Variants in MAML3 observed in about 807,000 individuals in gnomAD.
MAML3 encodes mastermind like transcriptional coactivator 3.
A neutral mutation model predicts 101.9 loss-of-function variants in MAML3; 27 were observed. The observed-to-expected ratio is 0.27, with a 90% confidence interval of 0.20 to 0.37. MAML3 has a LOEUF of 0.37. Among genes scored for constraint, MAML3 ranks in the 10% least tolerant of loss-of-function variants. MAML3 has a pLI of 1.00. For missense variants in MAML3, 1,316 were observed against 1,444.9 expected (o/e 0.91, Z 1.45); for synonymous variants, 501 against 555.9 (o/e 0.90, Z 1.39).
At chr4:139,922,277 C>T (rs1187463665) in intron 1 of MAML3, among the ~76,000 whole-genome samples, 1 of 152,162 alleles carries the variant, frequency 6.6e-6, no homozygotes, top group African/African-American at 2.4e-5. Context: ...CTTCTTAACA[C>T]CCTCCACCTT....
At chr4:140,116,193 A>C (rs1057499361) in intron 1 of MAML3, among the ~76,000 whole-genome samples, 1 of 152,216 alleles carries the variant, frequency 6.6e-6, no homozygotes, top group African/African-American at 2.4e-5. Flanking sequence ...CCTTCATATA[A>C]GGCAAAAAGC....
intron 2 of MAML3, among the ~76,000 whole-genome samples, chr4:139,778,891 G>A (rs936813432): frequency 1.3e-5 from 2 of 151,286 alleles, no homozygotes; most frequent in African/African-American, 2.4e-5. Flanking sequence ...GCTGAGGCAG[G>A]AGAATCGCTT....
chr4:139,838,734 C>A (rs1371868975), intron 2 of MAML3, among the ~76,000 whole-genome samples: 1 of 152,116 alleles, frequency 6.6e-6, no homozygotes, highest in Non-Finnish European at 1.5e-5. Flanking sequence ...TACTGTTCTG[C>A]ATGTTCTATT....
At chr4:140,125,630 T>G (rs1024681969) in intron 1 of MAML3, among the ~76,000 whole-genome samples, 5 of 152,128 alleles carry the variant, frequency 3.3e-5, no homozygotes, top group African/African-American at 1.2e-4. Context: ...GTCTCTTTGT[T>G]TGTTTTGTAG....
intron 2 of MAML3, among the ~76,000 whole-genome samples, chr4:139,851,658 C>A (rs1560813987): frequency 6.6e-6 from 1 of 152,276 alleles, no homozygotes; most frequent in South Asian, 2.1e-4. Context: ...TTGGCTCAGG[C>A]CTTTAAGTGG....
intron 1 of MAML3, among the ~76,000 whole-genome samples, chr4:140,021,171 T>C (rs1000374840): frequency 2.0e-5 from 3 of 152,194 alleles, no homozygotes; most frequent in African/African-American, 7.2e-5. Flanking sequence ...TACAAATATG[T>C]GTGTTATTTA....
chr4:139,888,583 T>C (rs777070129), intron 2 of MAML3: 1 of 519,006 alleles, frequency 1.9e-6, no homozygotes, highest in East Asian at 5.5e-5. Flanking sequence ...GACTATTCAC[T>C]TCCCGACTGG....
intron 1 of MAML3, among the ~76,000 whole-genome samples, chr4:139,962,927 G>A (rs534198989): frequency 6.6e-6 from 1 of 152,190 alleles, no homozygotes; most frequent in South Asian, 2.1e-4. Context: ...GTATGTAATG[G>A]AGACTACAGC....
intron 2 of MAML3, among the ~76,000 whole-genome samples, chr4:139,863,361 T>TC (rs1211085322): frequency 6.9e-6 from 1 of 145,212 alleles, no homozygotes; most frequent in Non-Finnish European, 1.5e-5. Flanking sequence ...TTTTTTTTTT[T>TC]CCTTTTGAGA....
intron 2 of MAML3, among the ~76,000 whole-genome samples, chr4:139,874,764 G>A (rs1219491388): frequency 6.7e-6 from 1 of 150,316 alleles, no homozygotes; most frequent in Non-Finnish European, 1.5e-5. Flanking sequence ...AATACACAGA[G>A]TCATCCTAAT....
intron 2 of MAML3, among the ~76,000 whole-genome samples, chr4:139,826,410 T>C (rs1731061811): frequency 6.6e-6 from 1 of 152,092 alleles, no homozygotes; most frequent in Non-Finnish European, 1.5e-5. Context: ...ACCTGCTGGG[T>C]GAACAGAAGG....
intron 2 of MAML3, among the ~76,000 whole-genome samples, chr4:139,855,534 A>G (rs890259642): frequency 6.6e-6 from 1 of 152,210 alleles, no homozygotes; most frequent in African/African-American, 2.4e-5. Flanking sequence ...TCTTTGCTTC[A>G]TATTTCCAAA....
At chr4:140,000,106 G>A (rs1005289151) in intron 1 of MAML3, among the ~76,000 whole-genome samples, 4 of 152,106 alleles carry the variant, frequency 2.6e-5, no homozygotes, top group African/African-American at 9.7e-5. Flanking sequence ...AAGTCACAAT[G>A]GGTTTTTCAG....
intron 2 of MAML3, among the ~76,000 whole-genome samples, chr4:139,829,032 C>A (rs71606859): frequency 1.8e-5 from 2 of 110,954 alleles, no homozygotes; most frequent in African/African-American, 3.3e-5. Flanking sequence ...GACGGACGGA[C>A]GGACTAAGGG....
At chr4:139,736,316 G>T (rs1728944748) in intron 2 of MAML3, among the ~76,000 whole-genome samples, 1 of 152,196 alleles carries the variant, frequency 6.6e-6, no homozygotes, top group African/African-American at 2.4e-5. Flanking sequence ...AGTTTGAGAA[G>T]GCGAAAGTAT....
chr4:139,864,323 C>T (rs949284226), intron 2 of MAML3, among the ~76,000 whole-genome samples: 2 of 152,102 alleles, frequency 1.3e-5, no homozygotes, highest in African/African-American at 2.4e-5. Context: ...AATTCACACT[C>T]CAGTATAATA....
chr4:139,728,042 C>A (rs1728548314), intron 3 of MAML3, among the ~76,000 whole-genome samples: 1 of 152,062 alleles, frequency 6.6e-6, no homozygotes, highest in African/African-American at 2.4e-5. Context: ...ATGGTGAAAC[C>A]CCATCTCTAC....
rs1423171617 is a variant in MAML3, at chr4:139,716,841, A to ACATTT, written c.*2477_*2481dup. 21 of 152,742 alleles carry ACATTT rather than the reference A, an allele frequency of 1.4e-4. No homozygotes were observed. Among genetic ancestry groups the ACATTT allele is most frequent in the Middle Eastern group, 3.4e-3 (1 of 294 alleles). 9.5% of individuals were successfully genotyped at this position (152,742 alleles called of 1,614,324 possible). On this transcript the variant is annotated 3_prime_UTR_variant, in exon 5 of 5. Transcript: ENST00000509479. ...TCATTTCTACATTTCAGCGTTCTGT[A>ACATTT]CATTTCTTAAAAGGAAATAAGCAAT...
At chr4:139,813,085 T>C (rs555906441) in intron 2 of MAML3, among the ~76,000 whole-genome samples, 46 of 149,850 alleles carry the variant, frequency 3.1e-4, no homozygotes, top group Non-Finnish European at 5.9e-4. Flanking sequence ...GTAATAGGAA[T>C]AATATTAAAG....
Sources: allele counts gnomAD v4.1 joint callset (sites outside exome capture counted in the v4.1 genomes callset), GRCh38; gene constraint gnomAD v4.1.1; transcripts MANE v1.5; gene names NCBI Gene and HGNC (gene_info 2026-07-23, HGNC 2026-07-21).